The following ADGRG4 variants were observed in gnomAD, a reference collection of about 807,000 sequenced individuals.
ADGRG4 encodes the protein adhesion G protein-coupled receptor G4, also known as G protein-coupled receptor 112.
In ADGRG4, 122 loss-of-function variants were observed where a neutral mutation model predicts 126.2. That is an observed-to-expected ratio of 0.97 (90% CI 0.83 to 1.12). The LOEUF is 1.12. Among genes scored for constraint, ADGRG4 ranks in the 50% most tolerant of loss-of-function variants. ADGRG4 has a pLI of 0.00. For missense variants in ADGRG4, 2,481 were observed against 2,251.8 expected (o/e 1.10, Z -2.06); for synonymous variants, 943 against 838.7 (o/e 1.12, Z -2.15).
intron 14 of ADGRG4, among the ~76,000 whole-genome samples, chrX:136,372,072 T>G (rs2075198066): frequency 1.8e-5 from 2 of 111,614 alleles, no homozygotes; most frequent in Admixed American, 1.9e-4. Context: ...TCGAATTGAA[T>G]CTTAGTGATA....
In ADGRG4 at chrX:136,375,672, T is replaced by C. The variant is rs925698467; in HGVS notation, c.7776+2608T>C. The stretch of plus-strand genomic sequence containing the variant: ...CATTTTTTCATATGTTTGTTGGGTG[T>C]TTGTATATCTTCTTTTGAGAATTGT... On this transcript the variant is annotated intron_variant, in intron 15 of 25. Coordinates refer to ENST00000394143, the MANE Select transcript of ADGRG4 (RefSeq NM_153834.4). Among the ~76,000 whole-genome samples, 4 of 112,077 alleles carry C rather than the reference T, an allele frequency of 3.6e-5. No homozygotes were observed. The Admixed American group carries it at 3.8e-4, about 11-fold the overall frequency.
intron 5 of ADGRG4, among the ~76,000 whole-genome samples, chrX:136,342,879 AGTGTGT>A (rs58303622): frequency 3.1e-3 from 269 of 87,357 alleles, no homozygotes; most frequent in South Asian, 0.012. Context: ...AAGAGAGCTC[AGTGTGT>A]GTGTGTGTGT....
Position 136,405,803 on chromosome X carries a change from T to A in ADGRG4, c.8766T>A (p.Ser2922=). The part of the protein sequence containing the change: ...MFCTVLVQLN[S]VKSQIQKTRR... Reference sequence around the variant, plus strand: ...GCACTGTTCTTGTTCAACTGAATTCTGTGAAATCCCAAATCCAGAAGACTC... The same window carrying A: ...GCACTGTTCTTGTTCAACTGAATTCAGTGAAATCCCAAATCCAGAAGACTC... The change falls in exon 23 of 26, where the codon TCT becomes TCA. Residue 2922 remains serine (S), a synonymous_variant. Transcript: ENST00000394143. 8.3e-7 allele frequency: 1 copy of A among 1,211,244 alleles called. No individual in the cohort carries two copies. Among genetic ancestry groups the A allele is most frequent in the East Asian group, 3.0e-5 (1 of 33,860 alleles).
At chrX:136,405,465 T>C (rs1042265869) in intron 22 of ADGRG4, among the ~76,000 whole-genome samples, 1 of 111,361 alleles carries the variant, frequency 9.0e-6, no homozygotes, top group African/African-American at 3.3e-5. Flanking sequence ...AGAAACATCC[T>C]CTAGGATTTC....
Position 136,346,367 on chromosome X carries a change from T to G in ADGRG4, c.2661T>G (p.Phe887Leu). The change falls in exon 6 of 26, where the codon TTT (phenylalanine) becomes TTG (leucine). Residue 887 changes from phenylalanine (F) to leucine (L), a missense_variant. Coordinates refer to ENST00000394143, the MANE Select transcript of ADGRG4 (RefSeq NM_153834.4). Reference sequence around the variant, plus strand: ...CAGCTTCTGTCACTGTTTCCTCTTTTCCTGATATAGAAAAGCTAAGTACCC... The same window carrying G: ...CAGCTTCTGTCACTGTTTCCTCTTTGCCTGATATAGAAAAGCTAAGTACCC... The part of the protein sequence containing the change: ...RVTASVTVSS[F>L]PDIEKLSTPL... 1 of 1,209,852 alleles carries G rather than the reference T, an allele frequency of 8.3e-7. No individual in the cohort carries two copies. Among genetic ancestry groups the G allele is most frequent in the Non-Finnish European group, 1.1e-6 (1 of 894,519 alleles).
At chrX:136,354,280 G>T (rs779379346) in intron 8 of ADGRG4, among the ~76,000 whole-genome samples, 1 of 111,848 alleles carries the variant, frequency 8.9e-6, no homozygotes, top group East Asian at 2.8e-4. Flanking sequence ...TTAAGCCACA[G>T]AAATTTATTG....
At chrX:136,401,157 A>G (rs970944892) in intron 21 of ADGRG4, among the ~76,000 whole-genome samples, 7 of 112,026 alleles carry the variant, frequency 6.2e-5, no homozygotes, top group African/African-American at 2.3e-4. Flanking sequence ...TGAACAGATC[A>G]TAATCTAAAA....
At chrX:136,356,237 TC>T (rs2148473592) in intron 9 of ADGRG4, 72 bp downstream of exon 9, 1 of 654,016 alleles carries the variant, frequency 1.5e-6, no homozygotes, top group Non-Finnish European at 2.4e-6. Context: ...CAATAGCTCT[TC>T]CACCCAAGTA....
intron 7 of ADGRG4, 151 bp downstream of exon 7, chrX:136,351,692 A>C (rs1276320171): frequency 6.8e-6 from 2 of 293,678 alleles, no homozygotes; most frequent in Admixed American, 1.2e-4. Context: ...TTTGCTGCAA[A>C]TCTGTCTACT....
Position 136,392,239 on chromosome X carries a change from A to G in ADGRG4, c.7919A>G (p.Asn2640Ser), listed in dbSNP as rs1377211572. The G allele has an allele frequency of 1.7e-6, 2 of 1,158,762 alleles. No homozygotes were observed. Among genetic ancestry groups the G allele is most frequent in the Admixed American group, 4.8e-5 (2 of 41,238 alleles). The stretch of plus-strand genomic sequence containing the variant: ...CTTTTGTTTCATCTGCAGACCAAAA[A>G]TGTCACTAAAGCATTAACCACCTAT... The part of the protein sequence containing the change: ...FGQTSLFKTK[N>S]VTKALTTYVV... The change falls in exon 17 of 26, where the codon AAT becomes AGT. Residue 2640 changes from asparagine to serine, a missense_variant. Transcript: ENST00000394143.
At chrX:136,394,556 C>T (rs1017359726) in intron 18 of ADGRG4, among the ~76,000 whole-genome samples, 3 of 111,949 alleles carry the variant, frequency 2.7e-5, no homozygotes, top group African/African-American at 9.7e-5. Context: ...CTCCAAGTCT[C>T]TCAGGATAAA....
chrX:136,345,420 C>T lies in ADGRG4; in HGVS notation c.1714C>T (p.Gln572Ter), dbSNP rs2075008274. ...SFSFTGTESV[Q>*]TVIDAEATRT... The stretch of plus-strand genomic sequence containing the variant: ...TTCATTTACTGGGACTGAGAGTGTA[C>T]AGACAGTTATTGATGCTGAAGCTAC... The change falls in exon 6 of 26, where the codon CAG (glutamine) becomes TAG (stop). Residue 572 changes from glutamine (Q) to a stop codon, truncating the protein, a stop_gained. Transcript: ENST00000394143. LOFTEE classifies it high-confidence loss of function. 2 of 1,207,975 alleles carry T rather than the reference C, an allele frequency of 1.7e-6. No individual in the cohort carries two copies. The highest frequency in any genetic ancestry group is 2.2e-5 in the Admixed American group (1 of 45,950).
chrX:136,354,454 T>C (rs908434684), intron 8 of ADGRG4, among the ~76,000 whole-genome samples: 1 of 110,845 alleles, frequency 9.0e-6, no homozygotes, highest in East Asian at 2.8e-4. Context: ...ATTCAAACTG[T>C]TTTTTTTCCT....
intron 23 of ADGRG4, 88 bp downstream of exon 23, chrX:136,406,060 C>T (rs2075407469): frequency 2.2e-6 from 2 of 913,933 alleles, no homozygotes; most frequent in South Asian, 2.8e-5. Flanking sequence ...CTGTTGGAAA[C>T]ATTAACTAGA....
At chrX:136,399,227 T>C (rs940019376) in intron 20 of ADGRG4, among the ~76,000 whole-genome samples, 7 of 111,994 alleles carry the variant, frequency 6.3e-5, no homozygotes, top group African/African-American at 2.3e-4. Flanking sequence ...TATGTAAAGA[T>C]CCATCAAGTT....
At chrX:136,397,491 C>CTTTTTTTTTTTTT (rs1184936316) in intron 19 of ADGRG4, among the ~76,000 whole-genome samples, 186 of 50,520 alleles carry the variant, frequency 3.7e-3, no homozygotes, top group Middle Eastern at 0.022. Context: ...AGGAAAAGGA[C>CTTTTTTTTTTTTT]TTTTTTTTTT....
intron 8 of ADGRG4, 23 bp from the exon 9 acceptor site, chrX:136,356,103 A>G: frequency 8.7e-7 from 1 of 1,145,981 alleles, no homozygotes; most frequent in East Asian, 3.0e-5. Flanking sequence ...TTTTCCTATA[A>G]TTTTGTAATG....
At chrX:136,336,780 C>G (rs1186367950) in intron 5 of ADGRG4, among the ~76,000 whole-genome samples, 1 of 111,893 alleles carries the variant, frequency 8.9e-6, no homozygotes, top group African/African-American at 3.2e-5. Context: ...GTTACTTGAG[C>G]GTACTTTAAT....
intron 1 of ADGRG4, among the ~76,000 whole-genome samples, chrX:136,303,025 T>C (rs1443362452): frequency 1.8e-5 from 2 of 111,777 alleles, no homozygotes; most frequent in African/African-American, 3.2e-5. Flanking sequence ...TTTTATAGTA[T>C]GTTTAAAAGC....
Sources: gnomAD v4.1 joint callset for allele counts (sites outside exome capture counted in the v4.1 genomes callset) on GRCh38, gnomAD v4.1.1 for gene constraint, MANE v1.5 for transcripts, NCBI Gene and HGNC (gene_info 2026-07-23, HGNC 2026-07-21) for gene names.